ENOX1: variants seen among roughly 807,000 people sequenced by gnomAD.
The protein encoded by ENOX1 is ecto-NOX disulfide-thiol exchanger 1.
ENOX1 carries 42 observed loss-of-function variants against 82.5 expected under a neutral mutation model. The observed-to-expected ratio is 0.51, with a 90% CI of 0.40 to 0.66. The LOEUF (loss-of-function observed/expected upper bound fraction) is 0.66, where lower values mean the gene tolerates loss of function less well. Among genes scored for constraint, ENOX1 ranks in the 30% least tolerant of loss-of-function variants. The pLI is 0.00. For missense variants in ENOX1, 608 were observed against 811.6 expected (o/e 0.75, Z 3.05); for synonymous variants, 271 against 282.2 (o/e 0.96, Z 0.40).
At chr13:43,740,480 AT>A (rs917715708) in intron 1 of ENOX1, among the ~76,000 whole-genome samples, 29 of 149,332 alleles carry the variant, frequency 1.9e-4, no homozygotes, top group African/African-American at 6.3e-4. Context: ...AACATTTTTT[AT>A]TTTTTTTTAA....
chr13:43,629,814 TA>T (rs1245585999), intron 2 of ENOX1, among the ~76,000 whole-genome samples: 1 of 152,194 alleles, frequency 6.6e-6, no homozygotes, highest in Non-Finnish European at 1.5e-5. Context: ...AAATTCTTCT[TA>T]CAGGGTAGAA....
At chr13:43,731,443 G>T (rs2089339597) in intron 1 of ENOX1, among the ~76,000 whole-genome samples, 1 of 151,820 alleles carries the variant, frequency 6.6e-6, no homozygotes, top group Non-Finnish European at 1.5e-5. Flanking sequence ...TTTCTCAGCA[G>T]AATAGTATAG....
At chr13:43,627,182 A>G (rs559909600) in intron 2 of ENOX1, among the ~76,000 whole-genome samples, 81 of 152,022 alleles carry the variant, frequency 5.3e-4, no homozygotes, top group African/African-American at 1.7e-3. Flanking sequence ...ATTATATCTG[A>G]TGTTTCTTGT....
At chr13:43,724,816 T>G (rs2088826587) in intron 1 of ENOX1, among the ~76,000 whole-genome samples, 1 of 152,260 alleles carries the variant, frequency 6.6e-6, no homozygotes, top group Non-Finnish European at 1.5e-5. Context: ...CTTTCTCCAG[T>G]TCTCTCTCAC....
chr13:43,497,863 C>G (rs2076847109), intron 2 of ENOX1, among the ~76,000 whole-genome samples: 1 of 151,964 alleles, frequency 6.6e-6, no homozygotes, highest in Admixed American at 6.6e-5. Flanking sequence ...CTGGAGTGTT[C>G]TTTGTGGGAA....
At chr13:43,657,979 A>T (rs1264413044) in intron 2 of ENOX1, among the ~76,000 whole-genome samples, 1 of 152,238 alleles carries the variant, frequency 6.6e-6, no homozygotes, top group Admixed American at 6.5e-5. Flanking sequence ...TAACTTTTAT[A>T]GAATATGAAA....
chr13:43,442,782 T>C (rs2056430693), intron 3 of ENOX1, among the ~76,000 whole-genome samples: 1 of 152,234 alleles, frequency 6.6e-6, no homozygotes, highest in Admixed American at 6.5e-5. Context: ...ACTGATTCCT[T>C]CAAATAATAT....
chr13:43,752,439 C>G (rs1457766475), intron 1 of ENOX1, among the ~76,000 whole-genome samples: 1 of 152,130 alleles, frequency 6.6e-6, no homozygotes, highest in Non-Finnish European at 1.5e-5. Context: ...AGTGTCATAT[C>G]TAAGAAATCT....
chr13:43,642,425 A>G (rs1437217304), intron 2 of ENOX1, among the ~76,000 whole-genome samples: 4 of 152,228 alleles, frequency 2.6e-5, no homozygotes, highest in East Asian at 1.9e-4. Flanking sequence ...TAAACAAGAA[A>G]GTTTCCAACA....
chr13:43,469,854 T>C (rs1244257271), intron 3 of ENOX1, among the ~76,000 whole-genome samples: 1 of 151,936 alleles, frequency 6.6e-6, no homozygotes, highest in Non-Finnish European at 1.5e-5. Flanking sequence ...GGAAGGCTTA[T>C]ACCATCTGAC....
At position 43,350,587 on chromosome 13, in the gene ENOX1, G is replaced by A. The variant is rs994320464; in HGVS notation, c.823+5332C>T. ...CAGCCTCCTGAGTAGCTGGGATTAC[G>A]GGCATGCGCCACCAGGCCCGGCTAA... is the stretch of plus-strand genomic sequence containing the variant. On this transcript the variant is annotated intron_variant, in intron 8 of 16. Transcript: ENST00000690772. Among the ~76,000 whole-genome samples the A allele has an allele frequency of 4.6e-5, 7 of 152,064 alleles. No homozygotes were observed. In the South Asian group the frequency reaches 8.3e-4, roughly 18 times the overall value.
chr13:43,605,966 A>T (rs1467901941), intron 2 of ENOX1, among the ~76,000 whole-genome samples: 2 of 152,220 alleles, frequency 1.3e-5, no homozygotes, highest in Non-Finnish European at 2.9e-5. Context: ...CTAGGAAGAA[A>T]TCTAATAATC....
intron 2 of ENOX1, among the ~76,000 whole-genome samples, chr13:43,568,892 T>A (rs1423088377): frequency 6.6e-6 from 1 of 152,270 alleles, no homozygotes; most frequent in East Asian, 1.9e-4. Flanking sequence ...TTGAGCAGAA[T>A]TCTGAGGCTG....
At chr13:43,251,960 T>G (rs1221220152) in intron 14 of ENOX1, among the ~76,000 whole-genome samples, 1 of 152,128 alleles carries the variant, frequency 6.6e-6, no homozygotes, top group Admixed American at 6.5e-5. Context: ...TGTGCGTGTG[T>G]GTAGTGAGGG....
intron 1 of ENOX1, among the ~76,000 whole-genome samples, chr13:43,694,077 A>T (rs751882131): frequency 2.6e-5 from 4 of 152,186 alleles, no homozygotes; most frequent in Non-Finnish European, 4.4e-5. Flanking sequence ...ATGGATATGC[A>T]TAATCAACTT....
At chr13:43,699,297 C>G (rs1255395373) in intron 1 of ENOX1, among the ~76,000 whole-genome samples, 4 of 152,164 alleles carry the variant, frequency 2.6e-5, no homozygotes, top group Non-Finnish European at 5.9e-5. Context: ...GTTCAGGAGT[C>G]TGATTTGGTG....
intron 2 of ENOX1, among the ~76,000 whole-genome samples, chr13:43,605,813 C>T (rs2081953014): frequency 1.3e-5 from 2 of 152,028 alleles, no homozygotes; most frequent in Admixed American, 1.3e-4. Flanking sequence ...AATAGGATCA[C>T]ATCAAGTTAA....
intron 8 of ENOX1, among the ~76,000 whole-genome samples, chr13:43,349,870 C>G (rs1566574821): frequency 1.2e-5 from 1 of 81,196 alleles, no homozygotes; most frequent in Non-Finnish European, 3.5e-5. Flanking sequence ...AGTCTCTATC[C>G]CTGTCCCCAC....
chr13:43,671,413 T>C (rs1050174335), intron 1 of ENOX1, among the ~76,000 whole-genome samples: 9 of 152,200 alleles, frequency 5.9e-5, no homozygotes, highest in Non-Finnish European at 1.3e-4. Context: ...AGCAGTCAGA[T>C]GTGTCAACAT....
Sources: allele counts gnomAD v4.1 joint callset (sites outside exome capture counted in the v4.1 genomes callset), GRCh38; gene constraint gnomAD v4.1.1; transcripts MANE v1.5; gene names NCBI Gene and HGNC (gene_info 2026-07-23, HGNC 2026-07-21).